RAB3IL1: variants seen among roughly 807,000 people sequenced by gnomAD.
RAB3IL1 encodes RAB3A interacting protein like 1, also known as guanine nucleotide exchange factor for Rab-3A.
RAB3IL1 carries 37 observed loss-of-function variants against 49.2 expected under a neutral mutation model. That is an observed-to-expected ratio of 0.75 (90% CI 0.58 to 0.99). The LOEUF (loss-of-function observed/expected upper bound fraction) is 0.99. Among genes scored for constraint, RAB3IL1 ranks in the 50% least tolerant of loss-of-function variants. The pLI, the probability that RAB3IL1 is intolerant of heterozygous loss-of-function variation, is 0.00. For missense variants in RAB3IL1, 484 were observed against 513.0 expected, an observed-to-expected ratio of 0.94 and a Z score of 0.55; for synonymous variants, 193 against 213.9, an observed-to-expected ratio of 0.90 and a Z score of 0.85.
At chr11:61,936,496 C>T in the RAB3IL1 span, among the ~76,000 whole-genome samples, 4 of 152,192 alleles carry the variant, frequency 2.6e-5, no homozygotes, top group African/African-American at 9.7e-5. Context: ...CTGCCTCCTC[C>T]GTGCCTGGCT....
chr11:61,945,749 G>T, the RAB3IL1 span: 15 of 984,872 alleles, frequency 1.5e-5, no homozygotes, highest in Non-Finnish European at 1.8e-5. Flanking sequence ...GTGGGTGGAA[G>T]GTGGATAGTG....
chr11:61,945,837 G>A, the RAB3IL1 span: 3 of 983,708 alleles, frequency 3.0e-6, no homozygotes, highest in African/African-American at 1.7e-5. Flanking sequence ...CTCTTGCCTT[G>A]TGTCTCTAGT....
At chr11:61,917,210 C>A in intron 1 of RAB3IL1, 147 bp downstream of exon 1, 1 of 1,232,448 alleles carries the variant, frequency 8.1e-7, no homozygotes, top group Non-Finnish European at 1.0e-6. Context: ...CTCCTGGCTG[C>A]AAGTCGGCTC....
intron 8 of RAB3IL1, among the ~76,000 whole-genome samples, chr11:61,900,341 C>T (rs944286555): frequency 2.6e-5 from 4 of 152,340 alleles, no homozygotes; most frequent in African/African-American, 4.8e-5. Context: ...CGGCTGTGCC[C>T]GCCCGCAACA....
At chr11:61,931,999 C>T in the RAB3IL1 span, among the ~76,000 whole-genome samples, 1 of 152,242 alleles carries the variant, frequency 6.6e-6, no homozygotes, top group East Asian at 1.9e-4. Flanking sequence ...CACCTGTAAT[C>T]CAAGCACTTT....
intron 1 of RAB3IL1, among the ~76,000 whole-genome samples, chr11:61,912,608 A>C (rs1939504073): frequency 6.6e-6 from 1 of 152,192 alleles, no homozygotes. Flanking sequence ...TGAGGTTCAG[A>C]GAGGGATGGT....
chr11:61,946,139 G>T, the RAB3IL1 span, among the ~76,000 whole-genome samples: 1 of 152,016 alleles, frequency 6.6e-6, no homozygotes, highest in Non-Finnish European at 1.5e-5. Flanking sequence ...TTTCTTTCTT[G>T]GCCTCTGCCC....
In RAB3IL1 at chr11:61,897,554, G is replaced by C. The variant is rs1938683891; in HGVS notation, c.*724C>G. 1 of 152,118 alleles carries C rather than the reference G, an allele frequency of 6.6e-6. No individual in the cohort carries two copies. The highest frequency in any genetic ancestry group is 2.4e-5 in the African/African-American group (1 of 41,370). 9.4% of individuals were successfully genotyped at this position (152,118 alleles called of 1,614,324 possible). ...GCCCTGTCTGTGTTCTACTGTGGCA[G>C]AAAGTGCCCCAGTCCTTCCAGCGGT... is the stretch of plus-strand genomic sequence containing the variant. On this transcript the variant is annotated 3_prime_UTR_variant, in exon 10 of 10. Coordinates refer to ENST00000394836, the MANE Select transcript of RAB3IL1 (RefSeq NM_013401.4).
At chr11:61,907,283 C>T (rs1939237847) in intron 4 of RAB3IL1, 110 bp downstream of exon 4, 5 of 1,173,080 alleles carry the variant, frequency 4.3e-6, no homozygotes, top group Non-Finnish European at 4.9e-6. Flanking sequence ...TTCCTGCTGG[C>T]CCCACCGGGC....
chr11:61,933,531 T>C, the RAB3IL1 span, among the ~76,000 whole-genome samples: 1 of 152,152 alleles, frequency 6.6e-6, no homozygotes, highest in Non-Finnish European at 1.5e-5. Context: ...TAGAGTCACG[T>C]AGTTTGTGAT....
chr11:61,933,063 C>T, the RAB3IL1 span, among the ~76,000 whole-genome samples: 1 of 152,170 alleles, frequency 6.6e-6, no homozygotes, highest in South Asian at 2.1e-4. Context: ...ACCACCATGC[C>T]TGGCCAGTTC....
chr11:61,902,353 G>T, intron 8 of RAB3IL1, 89 bp downstream of exon 8: 1 of 1,059,404 alleles, frequency 9.4e-7, no homozygotes, highest in Non-Finnish European at 1.4e-6. Flanking sequence ...AAGGTGTAGT[G>T]CTATTCATAC....
chr11:61,932,243 T>C, the RAB3IL1 span, among the ~76,000 whole-genome samples: 1 of 151,372 alleles, frequency 6.6e-6, no homozygotes, highest in African/African-American at 2.4e-5. Context: ...AGAGCGAGAC[T>C]CTGTCTCAAA....
At chr11:61,908,374 A>C in intron 1 of RAB3IL1, 68 bp from the exon 2 acceptor site, 8 of 1,346,580 alleles carry the variant, frequency 5.9e-6, no homozygotes, top group Non-Finnish European at 7.6e-6. Context: ...TGAGTCCAGA[A>C]ACCGCCCCGG....
the RAB3IL1 span, among the ~76,000 whole-genome samples, chr11:61,929,600 T>A: frequency 2.0e-5 from 3 of 151,866 alleles, no homozygotes; most frequent in South Asian, 6.2e-4. Flanking sequence ...ATTTTTTTTT[T>A]TTTTGAGACA....
At chr11:61,936,681 C>A in the RAB3IL1 span, among the ~76,000 whole-genome samples, 3 of 152,196 alleles carry the variant, frequency 2.0e-5, no homozygotes, top group Non-Finnish European at 4.4e-5. Context: ...AAAAGTGACT[C>A]ATCACATATA....
chr11:61,907,531 T>G, intron 3 of RAB3IL1, 34 bp downstream of exon 3: 2 of 1,613,718 alleles, frequency 1.2e-6, no homozygotes, highest in Non-Finnish European at 1.7e-6. Flanking sequence ...AGATGACCCA[T>G]TCCCCAAGTT....
At chr11:61,915,508 A>G (rs1939638473) in intron 1 of RAB3IL1, among the ~76,000 whole-genome samples, 1 of 152,148 alleles carries the variant, frequency 6.6e-6, no homozygotes, top group Non-Finnish European at 1.5e-5. Flanking sequence ...CACACTCTCA[A>G]GGTCACACAG....
intron 4 of RAB3IL1, among the ~76,000 whole-genome samples, chr11:61,907,001 G>C (rs1421937208): frequency 2.0e-5 from 3 of 152,254 alleles, no homozygotes; most frequent in Non-Finnish European, 4.4e-5. Flanking sequence ...AAAGGCCCAG[G>C]CCTCACATTT....
Sources: gnomAD v4.1 joint callset for allele counts (sites outside exome capture counted in the v4.1 genomes callset) on GRCh38, gnomAD v4.1.1 for gene constraint, MANE v1.5 for transcripts, NCBI Gene and HGNC (gene_info 2026-07-23, HGNC 2026-07-21) for gene names.